The following MGAT4C variants were observed in gnomAD, a reference collection of about 807,000 sequenced individuals.
MGAT4C encodes alpha-1,3-mannosyl-glycoprotein 4-beta-N-acetylglucosaminyltransferase C.
In MGAT4C, 19 loss-of-function variants were observed where a neutral mutation model predicts 40.1. The ratio of observed to expected loss-of-function variants is 0.47; its 90% CI spans 0.33 to 0.70. The LOEUF is 0.70. Ranked by LOEUF, MGAT4C falls within the 30% of genes least tolerant of loss-of-function variation. The probability of loss-of-function intolerance (pLI) is 0.02; values close to 1 mark genes in which losing one functional copy is unlikely to be tolerated. For missense variants in MGAT4C, 491 were observed against 563.2 expected (o/e 0.87, Z 1.30); for synonymous variants, 181 against 187.1 (o/e 0.97, Z 0.27).
chr12:86,256,967 C>G (rs1184796203), upstream of MGAT4C, among the ~76,000 whole-genome samples: 1 of 152,134 alleles, frequency 6.6e-6, no homozygotes, highest in African/African-American at 2.4e-5. Flanking sequence ...GTGTTAAACA[C>G]TGTTTGCAAA....
At chr12:86,366,529 T>C (rs542673237) in intron 3 of MGAT4C, among the ~76,000 whole-genome samples, 1 of 152,248 alleles carries the variant, frequency 6.6e-6, no homozygotes, top group Non-Finnish European at 1.5e-5. Context: ...TGGGTACTCA[T>C]GGACATAAAG....
intron 1 of MGAT4C, among the ~76,000 whole-genome samples, chr12:86,751,236 G>A (rs1951227403): frequency 6.6e-6 from 1 of 151,960 alleles, no homozygotes; most frequent in Non-Finnish European, 1.5e-5. Context: ...TTAGGTTACT[G>A]CAGTGTTTCA....
chr12:86,355,712 G>A (rs1416043067), intron 3 of MGAT4C, among the ~76,000 whole-genome samples: 1 of 151,968 alleles, frequency 6.6e-6, no homozygotes, highest in Non-Finnish European at 1.5e-5. Context: ...AAAAAAATAA[G>A]CAGAATATTT....
At chr12:86,653,012 G>C (rs1301332401) in intron 2 of MGAT4C, among the ~76,000 whole-genome samples, 1 of 151,372 alleles carries the variant, frequency 6.6e-6, no homozygotes, top group Non-Finnish European at 1.5e-5. Context: ...AAAGCTATAG[G>C]GGCTTTTTAC....
chr12:86,575,330 C>T (rs1339373717), intron 2 of MGAT4C, among the ~76,000 whole-genome samples: 2 of 151,638 alleles, frequency 1.3e-5, no homozygotes, highest in African/African-American at 4.8e-5. Flanking sequence ...TTTTTGGCAC[C>T]CATTAAACAT....
At chr12:86,094,448 A>T (rs1873514336) in intron 1 of MGAT4C, among the ~76,000 whole-genome samples, 1 of 152,166 alleles carries the variant, frequency 6.6e-6, no homozygotes, top group Admixed American at 6.6e-5. Flanking sequence ...ATATGTTATA[A>T]TAATATTGAT....
chr12:86,313,343 T>C (rs1954124843), intron 4 of MGAT4C, among the ~76,000 whole-genome samples: 1 of 152,142 alleles, frequency 6.6e-6, no homozygotes, highest in African/African-American at 2.4e-5. Flanking sequence ...GGAGAAACAA[T>C]TTTTGCAGAC....
intron 3 of MGAT4C, among the ~76,000 whole-genome samples, chr12:85,986,219 C>CT (rs1414157038): frequency 2.0e-5 from 3 of 152,294 alleles, no homozygotes; most frequent in African/African-American, 7.2e-5. Flanking sequence ...AACAGCCAGG[C>CT]TCTCCCTGGA....
intron 1 of MGAT4C, among the ~76,000 whole-genome samples, chr12:86,126,697 T>G (rs376709722): frequency 6.6e-6 from 1 of 152,178 alleles, no homozygotes; most frequent in East Asian, 1.9e-4. Flanking sequence ...AGCAGATATA[T>G]ACAGTCATGT....
chr12:86,057,286 C>T (rs1431804161), intron 1 of MGAT4C, among the ~76,000 whole-genome samples: 1 of 152,086 alleles, frequency 6.6e-6, no homozygotes, highest in Admixed American at 6.6e-5. Context: ...GTTATAGTAT[C>T]TACCGTTTTG....
intron 3 of MGAT4C, among the ~76,000 whole-genome samples, chr12:86,368,225 C>T (rs1350777187): frequency 6.6e-6 from 1 of 151,946 alleles, no homozygotes; most frequent in Non-Finnish European, 1.5e-5. Context: ...AAAACAAAAA[C>T]TAGGCTTACT....
At chr12:86,172,941 TAG>T (rs1191321105) in intron 1 of MGAT4C, among the ~76,000 whole-genome samples, 3 of 152,114 alleles carry the variant, frequency 2.0e-5, no homozygotes, top group African/African-American at 7.2e-5. Context: ...TATAAAATTA[TAG>T]AGTCATTACA....
chr12:86,446,704 T>C (rs2136283585), intron 2 of MGAT4C, among the ~76,000 whole-genome samples: 1 of 121,550 alleles, frequency 8.2e-6, no homozygotes, highest in Middle Eastern at 4.5e-3. Flanking sequence ...TATATATATA[T>C]GGATGTGATT....
intron 1 of MGAT4C, among the ~76,000 whole-genome samples, chr12:86,230,343 CA>C (rs954179588): frequency 5.3e-5 from 8 of 152,100 alleles, no homozygotes; most frequent in Non-Finnish European, 1.2e-4. Context: ...AACAGCCCTA[CA>C]CTCTATATGA....
At chr12:86,779,869 C>T (rs1263574637) in intron 1 of MGAT4C, among the ~76,000 whole-genome samples, 3 of 151,748 alleles carry the variant, frequency 2.0e-5, no homozygotes, top group East Asian at 1.9e-4. Flanking sequence ...GCAGAGATTG[C>T]GCCACTGTAC....
rs564584457 is a variant in MGAT4C, at chr12:86,038,285, C to T, written c.-7+11389G>A. Among the ~76,000 whole-genome samples, 10 of 149,702 alleles carry T rather than the reference C, an allele frequency of 6.7e-5. 2 individuals carry two copies. The highest frequency in any genetic ancestry group is 6.3e-4 in the South Asian group (3 of 4,742). On this transcript the variant is annotated intron_variant, in intron 2 of 4. Transcript: ENST00000611864. ...AAGTCTAGACTCATTCCAGATGCCA[C>T]GAGCGGTTTATGCCCTGAGCCCTGG...
intron 1 of MGAT4C, among the ~76,000 whole-genome samples, chr12:86,188,163 C>T (rs745982524): frequency 3.3e-5 from 5 of 151,824 alleles, no homozygotes; most frequent in Non-Finnish European, 5.9e-5. Context: ...AAACAACTAG[C>T]CAGAATGATG....
At chr12:86,185,680 T>A (rs1888680194) in intron 1 of MGAT4C, among the ~76,000 whole-genome samples, 1 of 152,314 alleles carries the variant, frequency 6.6e-6, no homozygotes, top group Admixed American at 6.5e-5. Context: ...AACTGCAGAT[T>A]GAAAAATTTG....
intron 2 of MGAT4C, among the ~76,000 whole-genome samples, chr12:86,603,390 TATA>T (rs1961863976): frequency 7.8e-6 from 1 of 128,338 alleles, no homozygotes; most frequent in Non-Finnish European, 1.6e-5. Context: ...TACTATACTA[TATA>T]ATATATATTA....
Sources: gnomAD v4.1 joint callset for allele counts (sites outside exome capture counted in the v4.1 genomes callset) on GRCh38, gnomAD v4.1.1 for gene constraint, MANE v1.5 for transcripts, NCBI Gene and HGNC (gene_info 2026-07-23, HGNC 2026-07-21) for gene names.